The following ITPR2 variants were observed in gnomAD, a reference collection of about 807,000 sequenced individuals.
The protein encoded by ITPR2 is inositol 1,4,5-trisphosphate receptor type 2.
In ITPR2, 207 loss-of-function variants were observed where a neutral mutation model predicts 317.1. The ratio of observed to expected loss-of-function variants is 0.65; its 90% CI spans 0.58 to 0.73. ITPR2 has a LOEUF of 0.73. Among genes scored for constraint, ITPR2 ranks in the 30% least tolerant of loss-of-function variants. The pLI is 0.00. For missense variants in ITPR2, 2,613 were observed against 3,284.0 expected (o/e 0.80, Z 4.99); for synonymous variants, 1,156 against 1,149.1 (o/e 1.01, Z -0.12).
chr12:26,554,358 T>C (rs911579666), intron 36 of ITPR2, among the ~76,000 whole-genome samples: 1 of 152,222 alleles, frequency 6.6e-6, no homozygotes, highest in African/African-American at 2.4e-5. Flanking sequence ...TAAATAACCA[T>C]GTGTGGCTAG....
intron 2 of ITPR2, among the ~76,000 whole-genome samples, chr12:26,777,668 G>A (rs117421983): frequency 0.033 from 4,919 of 150,380 alleles, 79 homozygotes; most frequent in Middle Eastern, 0.051. Context: ...CTTCCAGGTC[G>A]AATGGACAAA....
At chr12:26,391,577 T>TGACAGAGTCTTGCTC (rs1939848185) in intron 54 of ITPR2, among the ~76,000 whole-genome samples, 1 of 133,778 alleles carries the variant, frequency 7.5e-6, no homozygotes, top group African/African-American at 2.8e-5. Flanking sequence ...TTTTTTTTTT[T>TGACAGAGTCTTGCTC]TTTTTTTGAC....
chr12:26,612,142 A>G (rs1302104346), intron 26 of ITPR2, among the ~76,000 whole-genome samples: 3 of 152,222 alleles, frequency 2.0e-5, no homozygotes, highest in African/African-American at 7.2e-5. Context: ...TAGTGTTAGC[A>G]GACAGACCAT....
intron 42 of ITPR2, among the ~76,000 whole-genome samples, chr12:26,482,939 C>T (rs1016697968): frequency 3.3e-5 from 5 of 152,208 alleles, no homozygotes; most frequent in African/African-American, 1.2e-4. Flanking sequence ...CTTGAAAACT[C>T]TGTCTTCTGG....
intron 8 of ITPR2, among the ~76,000 whole-genome samples, chr12:26,711,840 G>A (rs1055229976): frequency 1.3e-5 from 2 of 152,248 alleles, no homozygotes; most frequent in Non-Finnish European, 2.9e-5. Context: ...CCTGGAGGAT[G>A]AGAAAGACAG....
intron 22 of ITPR2, 83 bp downstream of exon 22, chr12:26,631,783 G>A: frequency 8.4e-7 from 1 of 1,194,036 alleles, no homozygotes; most frequent in Non-Finnish European, 1.2e-6. Flanking sequence ...TATTTACACA[G>A]TGATTTGGAA....
intron 45 of ITPR2, among the ~76,000 whole-genome samples, chr12:26,467,063 C>T (rs1942185766): frequency 6.6e-6 from 1 of 152,086 alleles, no homozygotes; most frequent in Non-Finnish European, 1.5e-5. Flanking sequence ...ATGGAAGCTG[C>T]AAAGAGGTGA....
chr12:26,419,053 A>G lies in ITPR2; in HGVS notation c.7106T>C (p.Phe2369Ser), dbSNP rs752207726. ...TCCACATAGAGATGTACTCACCAGG[A>G]AGCTATAGAAGAATTCATGGACAAA... is the stretch of plus-strand genomic sequence containing the variant. ...GLFVHEFFYS[F>S]LLFDLVYREE... is the part of the protein sequence containing the mutation. The change falls in exon 50 of 57, where the codon TTC (phenylalanine) becomes TCC (serine). Residue 2369 changes from phenylalanine (F) to serine (S), a missense_variant. Physicochemically the swap from Phe to Ser is radical, Grantham distance 155. Coordinates refer to ENST00000381340, the MANE Select transcript of ITPR2 (RefSeq NM_002223.4). 4 of 1,613,052 alleles carry G rather than the reference A, an allele frequency of 2.5e-6. No individual in the cohort carries two copies. Among genetic ancestry groups the G allele is most frequent in the South Asian group, 1.1e-5 (1 of 90,896 alleles).
chr12:26,757,297 C>A (rs1158068470), intron 2 of ITPR2, among the ~76,000 whole-genome samples: 2 of 151,412 alleles, frequency 1.3e-5, no homozygotes, highest in Admixed American at 1.3e-4. Flanking sequence ...CTCACTGCAA[C>A]CTCCGCCTCC....
intron 1 of ITPR2, among the ~76,000 whole-genome samples, chr12:26,815,204 G>A (rs1354557843): frequency 4.6e-5 from 7 of 152,068 alleles, no homozygotes; most frequent in Non-Finnish European, 8.8e-5. Flanking sequence ...GATGGTGCAC[G>A]CCTCTAGTCC....
In ITPR2 at chr12:26,790,007, C is replaced by T. The variant is rs948553166; in HGVS notation, c.163+150G>A. 7 of 662,890 alleles carry T rather than the reference C, an allele frequency of 1.1e-5. No individual in the cohort carries two copies. In the African/African-American group the frequency reaches 1.1e-4, roughly 10 times the overall value. The allele number at this position is 662,890 out of a possible 1,614,324, so 41.1% of individuals were successfully genotyped here. On this transcript the variant is annotated intron_variant, in intron 2 of 56. Coordinates refer to ENST00000381340, the MANE Select transcript of ITPR2 (RefSeq NM_002223.4). ...AATCCCTCAATATGTAAAAGAAAAA[C>T]AATGGAAAAATTGTTGAAAGAATTT...
chr12:26,456,537 T>C (rs1184741034), intron 45 of ITPR2, among the ~76,000 whole-genome samples: 2 of 152,258 alleles, frequency 1.3e-5, no homozygotes, highest in Admixed American at 6.5e-5. Flanking sequence ...GCTCTGTTTA[T>C]GGAGTAGCCA....
At chr12:26,430,498 A>G (rs7310261) in intron 48 of ITPR2, among the ~76,000 whole-genome samples, 50,402 of 152,106 alleles carry the variant, frequency 0.33, 9,564 homozygotes, top group East Asian at 0.63. Context: ...TCCTGACCTC[A>G]GGTGATCCAC....
At chr12:26,793,167 T>A (rs947595920) in intron 1 of ITPR2, among the ~76,000 whole-genome samples, 2 of 152,164 alleles carry the variant, frequency 1.3e-5, no homozygotes, top group African/African-American at 2.4e-5. Context: ...TTTTATAAGC[T>A]AAGGACCAGA....
At chr12:26,565,527 T>TAGATAGATAGATAGATAGAC (rs368553155) in intron 34 of ITPR2, among the ~76,000 whole-genome samples, 5 of 139,702 alleles carry the variant, frequency 3.6e-5, no homozygotes, top group African/African-American at 1.1e-4. Context: ...GATAGATAGA[T>TAGATAGATAGATAGATAGAC]AGACAGACAG....
At chr12:26,576,375 CTTTA>C (rs1945276749) in intron 34 of ITPR2, among the ~76,000 whole-genome samples, 1 of 152,168 alleles carries the variant, frequency 6.6e-6, no homozygotes, top group African/African-American at 2.4e-5. Context: ...CGTTCTCTTT[CTTTA>C]TTTCTCCTTC....
At chr12:26,786,315 C>T (rs1453046046) in intron 2 of ITPR2, among the ~76,000 whole-genome samples, 2 of 119,710 alleles carry the variant, frequency 1.7e-5, no homozygotes, top group Admixed American at 8.5e-5. Flanking sequence ...ACAAACACTG[C>T]GGAAGGCCGC....
At chr12:26,527,645 T>C (rs1943842761) in intron 37 of ITPR2, among the ~76,000 whole-genome samples, 1 of 152,226 alleles carries the variant, frequency 6.6e-6, no homozygotes, top group Non-Finnish European at 1.5e-5. Context: ...AGTTTAGTGG[T>C]AGCAGCTAAT....
rs116332758 is a variant in ITPR2 at position 26,339,251 on chromosome 12, C to T, written c.*146G>A. On this transcript the variant is annotated 3_prime_UTR_variant, in exon 57 of 57. Coordinates refer to ENST00000381340, the MANE Select transcript of ITPR2 (RefSeq NM_002223.4). Reference sequence around the variant, plus strand: ...TGAAAACACAGTTATAAATTGTTCTCGGAGCTAACCCACTCAACATCTTGG... The same window carrying T: ...TGAAAACACAGTTATAAATTGTTCTTGGAGCTAACCCACTCAACATCTTGG... The T allele has an allele frequency of 2.1e-3, 1,359 of 648,956 alleles. 9 individuals carry two copies. In the African/African-American group the frequency reaches 0.021, roughly 10 times the overall value. 40.2% of individuals were successfully genotyped at this position (648,956 alleles called of 1,614,324 possible). A position where few individuals can be genotyped will look rare whatever the true frequency, so the allele number is the denominator to read the frequency against.
Sources: allele counts gnomAD v4.1 joint callset (sites outside exome capture counted in the v4.1 genomes callset), GRCh38; gene constraint gnomAD v4.1.1; transcripts MANE v1.5; gene names NCBI Gene and HGNC (gene_info 2026-07-23, HGNC 2026-07-21).